The following CASKIN2 variants were observed in gnomAD, a reference collection of about 807,000 sequenced individuals.
CASKIN2 encodes caskin-2.
A neutral mutation model predicts 107.1 loss-of-function variants in CASKIN2; 41 were observed. The ratio of observed to expected loss-of-function variants is 0.38; its 90% CI spans 0.30 to 0.50. The LOEUF is 0.50. CASKIN2 is among the 20% of genes least tolerant of loss of function. CASKIN2 has a pLI of 0.92. For synonymous variants in CASKIN2, 724 were observed against 705.6 expected, an observed-to-expected ratio of 1.03 and a Z score of -0.41; for missense variants, 1,546 against 1,657.4, an observed-to-expected ratio of 0.93 and a Z score of 1.17.
intron 2 of CASKIN2, among the ~76,000 whole-genome samples, chr17:75,509,327 G>A (rs566583265): frequency 2.5e-4 from 38 of 152,332 alleles, no homozygotes; most frequent in Non-Finnish European, 4.1e-4. Flanking sequence ...AGGCTGGGCA[G>A]AGTGCCAAGT....
rs760477873 is a variant in CASKIN2 at position 75,506,392 on chromosome 17, G to A, written c.639C>T (p.Ile213=). Residue 213 remains isoleucine (I), a synonymous_variant, in exon 8 of 20, where the codon ATC becomes ATT. Transcript: ENST00000321617. The surrounding 1 kb of genome is among the most constrained non-coding windows in gnomAD (Gnocchi z 4.8). ...CCGTCTTGGTCTGGCGGTTGATCTC[G>A]ATCCCAGCTCTCAGGAGCTGCCTGC... is the stretch of plus-strand genomic sequence containing the variant. The part of the protein sequence containing the change: ...EVIRQLLRAG[I]EINRQTKTGT... 17 of 1,610,670 alleles carry A rather than the reference G, an allele frequency of 1.1e-5. No individual in the cohort carries two copies. The highest frequency in any genetic ancestry group is 7.7e-5 in the South Asian group (7 of 91,036).
chr17:75,501,323 G>A, intron 19 of CASKIN2, 145 bp downstream of exon 19: 1 of 1,188,786 alleles, frequency 8.4e-7, no homozygotes, highest in Admixed American at 2.2e-5. Context: ...AGGATTCCCT[G>A]ATCTAGGTGA....
At chr17:75,514,233 C>G (rs939249267) in intron 1 of CASKIN2, 25 bp from the exon 2 acceptor site, 11 of 433,076 alleles carry the variant, frequency 2.5e-5, no homozygotes, top group Non-Finnish European at 4.1e-5. Flanking sequence ...GGGCCTCTGT[C>G]GAATGCTGGG....
Position 75,504,426 on chromosome 17 carries a change from G to C in CASKIN2, c.1369C>G (p.Leu457Val). 1 of 1,606,932 alleles carries C rather than the reference G, an allele frequency of 6.2e-7. No homozygotes were observed. Residue 457 changes from leucine to valine, a missense_variant, in exon 13 of 20, where the codon CTG becomes GTG. Leu to Val is a conservative substitution (Grantham distance 32). Around this residue, in one of 6 missense-constraint regions of CASKIN2, gnomAD observed 1,311 missense variants for 1,311.0 expected, o/e 1.00. Transcript: ENST00000321617. The part of the protein sequence containing the change: ...QVLPGLHPPS[L>V]ADNLSHRPLA... Reference sequence around the variant, plus strand: ...GTCCCCTGACCCTTCCTACCTGCCAGGGACGGCGGGTGGAGTCCTGGCAGC... The same window carrying C: ...GTCCCCTGACCCTTCCTACCTGCCACGGACGGCGGGTGGAGTCCTGGCAGC...
rs762857581 is a variant in CASKIN2 at position 75,501,996 on chromosome 17, A to G, written c.3078T>C (p.Thr1026=). The stretch of plus-strand genomic sequence containing the variant: ...TAGAAGCTGGAGGAGACTCGCCAGG[A>G]GTTGGGGAAGGCAGTGGGGCAGCGG... ...PGPAAPLPSP[T]PGESPPASSL... Residue 1026 remains threonine, a synonymous_variant, in exon 18 of 20, where the codon ACT becomes ACC. Transcript: ENST00000321617. 1 of 1,612,318 alleles carries G rather than the reference A, an allele frequency of 6.2e-7. No individual in the cohort carries two copies. The highest frequency in any genetic ancestry group is 8.5e-7 in the Non-Finnish European group (1 of 1,179,516).
chr17:75,504,606 C>T lies in CASKIN2; in HGVS notation c.1280G>A (p.Gly427Asp), dbSNP rs777094313. 6.2e-5 allele frequency: 99 copies of T among 1,607,540 alleles called. No individual in the cohort carries two copies. In the South Asian group the frequency reaches 1.0e-3, roughly 17 times the overall value. ...GSGQSSEGTN[G>D]HGPGLLIENA... ...CTCAATCAGGAGGCCAGGGCCATGG[C>T]CATTAGTGCCCTCAGAGCTCTGCCC... Residue 427 changes from glycine to aspartate, a missense_variant, in exon 12 of 20, where the codon GGC becomes GAC. Coordinates refer to ENST00000321617, the MANE Select transcript of CASKIN2 (RefSeq NM_020753.5).
chr17:75,507,711 G>A, intron 3 of CASKIN2, 30 bp from the exon 4 acceptor site: 2 of 1,546,702 alleles, frequency 1.3e-6, no homozygotes, highest in South Asian at 2.3e-5. Flanking sequence ...AGTTAGGGGT[G>A]TTGGTGGGCA....
In CASKIN2 at chr17:75,502,792, C is replaced by A; in HGVS notation, c.2282G>T (p.Gly761Val). The change falls in exon 18 of 20, where the codon GGC (glycine) becomes GTC (valine). Residue 761 changes from glycine (G) to valine (V), a missense_variant. Gly to Val is a moderately radical substitution (Grantham distance 109). This residue lies in a region of CASKIN2 where 1,311 missense variants were observed against 1,311.0 expected (regional missense o/e 1.00). Coordinates refer to ENST00000321617, the MANE Select transcript of CASKIN2 (RefSeq NM_020753.5). This position sits in a 1 kb window ranked among gnomAD's most constrained non-coding sequence, Gnocchi z 4.3. ...PPPYVFMYPQ[G>V]SPSSPAPGPP... ...CCCTGGGGCCGGGCTAGAGGGTGAG[C>A]CCTGGGGGTACATAAAAACATAGGG... 6.3e-7 allele frequency: 1 copy of A among 1,586,964 alleles called. No individual in the cohort carries two copies. The highest frequency in any genetic ancestry group is 1.1e-5 in the South Asian group (1 of 88,282).
rs1160273918 is a variant in CASKIN2, at chr17:75,502,631, C to A, written c.2443G>T (p.Ala815Ser). 1 of 1,605,136 alleles carries A rather than the reference C, an allele frequency of 6.2e-7. No individual in the cohort carries two copies. ...AGGGTGCTGCCCACTGGCCCTTCGG[C>A]CTCCCCCTCAGCATCCCCCTCTGTG... ...GPTEGDAEGE[A>S]EGPVGSTLGS... The change falls in exon 18 of 20, where the codon GCC becomes TCC. Residue 815 changes from alanine (A) to serine (S), a missense_variant. By Grantham distance (99) the Ala-to-Ser change is moderately conservative (BLOSUM62 1). Transcript: ENST00000321617. The surrounding 1 kb of genome is among the most constrained non-coding windows in gnomAD (Gnocchi z 4.3).
chr17:75,510,365 A>G (rs145762709), intron 2 of CASKIN2, among the ~76,000 whole-genome samples: 17 of 152,208 alleles, frequency 1.1e-4, no homozygotes, highest in African/African-American at 3.6e-4. Context: ...CTCTCTCTGG[A>G]TAGCTATAAA....
chr17:75,507,559 G>A (rs1374953110), intron 4 of CASKIN2, 25 bp downstream of exon 4: 3 of 1,578,238 alleles, frequency 1.9e-6, no homozygotes, highest in Non-Finnish European at 2.6e-6. Flanking sequence ...CCAGGGTGGG[G>A]GTCGGGGGCA....
Position 75,502,536 on chromosome 17 carries a change from G to A in CASKIN2, c.2538C>T (p.Thr846=). The change falls in exon 18 of 20, where the codon ACC becomes ACT. Residue 846 remains threonine (T), a synonymous_variant. Coordinates refer to ENST00000321617, the MANE Select transcript of CASKIN2 (RefSeq NM_020753.5). This position sits in a 1 kb window ranked among gnomAD's most constrained non-coding sequence, Gnocchi z 4.3. ...GAGGAGTCCCCCGAGCTGGGGTTGG[G>A]GTCACACTAGGACTGGTCCGGACAA... ...SALVRTSPSV[T]PTPARGTPRS... The A allele has an allele frequency of 6.6e-7, 1 of 1,507,906 alleles. No individual in the cohort carries two copies. Among genetic ancestry groups the A allele is most frequent in the Non-Finnish European group, 8.9e-7 (1 of 1,122,350 alleles). The allele number at this position is 1,507,906 out of a possible 1,614,324, so 93.4% of individuals were successfully genotyped here.
Position 75,515,442 on chromosome 17 carries a change from T to A in CASKIN2, c.-446A>T, listed in dbSNP as rs889597211. On this transcript the variant is annotated 5_prime_UTR_variant, in exon 1 of 20. Transcript: ENST00000321617. ...CCGGGGTCCGGCTGGCCCTGCTCGG[T>A]CCCTGGCACTCAGGACGGTGGCTCC... 6.6e-6 allele frequency: 1 copy of A among 152,160 alleles called. No individual in the cohort carries two copies. The highest frequency in any genetic ancestry group is 1.5e-5 in the Non-Finnish European group (1 of 68,272). 9.4% of individuals were successfully genotyped at this position (152,160 alleles called of 1,614,324 possible). A position where few individuals can be genotyped will look rare whatever the true frequency, so the allele number is the denominator to read the frequency against.
rs2053264129 is a variant in CASKIN2 at position 75,506,263 on chromosome 17, G to C, written c.726+42C>G. ...CAGCCAGTCAGGGGCACAGGGCAGA[G>C]GCTCCATGGACACCTGCGAGGGAGC... On this transcript the variant is annotated intron_variant, in intron 8 of 19. Coordinates refer to ENST00000321617, the MANE Select transcript of CASKIN2 (RefSeq NM_020753.5). This position sits in a 1 kb window ranked among gnomAD's most constrained non-coding sequence, Gnocchi z 4.8. 3.9e-6 allele frequency: 6 copies of C among 1,527,860 alleles called. No individual in the cohort carries two copies. In the East Asian group the frequency reaches 1.4e-4, roughly 35 times the overall value. The allele number at this position is 1,527,860 out of a possible 1,614,324, so 94.6% of individuals were successfully genotyped here.
At position 75,505,228 on chromosome 17, in the gene CASKIN2, C is replaced by A; in HGVS notation, c.931-155G>T. On this transcript the variant is annotated intron_variant, in intron 10 of 19. Coordinates refer to ENST00000321617, the MANE Select transcript of CASKIN2 (RefSeq NM_020753.5). The surrounding 1 kb of genome is among the most constrained non-coding windows in gnomAD (Gnocchi z 5.1). The stretch of plus-strand genomic sequence containing the variant: ...ATGCCCACACTGGCCCAAGTTCCGC[C>A]CCTGCTGCCAGCAGCCAGCTCAATC... 2.3e-6 allele frequency: 2 copies of A among 851,598 alleles called. No homozygotes were observed. The highest frequency in any genetic ancestry group is 3.6e-4 in the Middle Eastern group (1 of 2,758). 52.8% of individuals were successfully genotyped at this position (851,598 alleles called of 1,614,324 possible). A position where few individuals can be genotyped will look rare whatever the true frequency, so the allele number is the denominator to read the frequency against.
At position 75,502,994 on chromosome 17, in the gene CASKIN2, G is replaced by T; in HGVS notation, c.2080C>A (p.Arg694Ser). 1 of 1,605,776 alleles carries T rather than the reference G, an allele frequency of 6.2e-7. No homozygotes were observed. The change falls in exon 18 of 20, where the codon CGC becomes AGC. Residue 694 changes from arginine to serine, a missense_variant. Physicochemically the swap from Arg to Ser is moderately radical, Grantham distance 110 (BLOSUM62 -1). Around this residue, in one of 6 missense-constraint regions of CASKIN2, gnomAD observed 1,311 missense variants for 1,311.0 expected, o/e 1.00. Transcript: ENST00000321617. This position sits in a 1 kb window ranked among gnomAD's most constrained non-coding sequence, Gnocchi z 4.3. The part of the protein sequence containing the change: ...GPEPLPLPPA[R>S]SPSQESIGAR... The stretch of plus-strand genomic sequence containing the variant: ...CCGATGCTCTCCTGGCTGGGAGAGC[G>T]GGCAGGTGGGAGGGGGAGTGGTTCA...
rs756872164 is a variant in CASKIN2 at position 75,506,047 on chromosome 17, T to C, written c.727-118A>G. On this transcript the variant is annotated intron_variant, in intron 8 of 19. Transcript: ENST00000321617. The surrounding 1 kb of genome is among the most constrained non-coding windows in gnomAD (Gnocchi z 4.8). ...TTTTCCGATTTTACAGATGAGGACATAGAGGCTCAGGGACTCAGTCAAGGA... is the reference window on the plus strand; with the variant it reads ...TTTTCCGATTTTACAGATGAGGACACAGAGGCTCAGGGACTCAGTCAAGGA... 5 of 869,312 alleles carry C rather than the reference T, an allele frequency of 5.8e-6. No individual in the cohort carries two copies. The highest frequency in any genetic ancestry group is 3.3e-5 in the African/African-American group (2 of 60,164). The allele number at this position is 869,312 out of a possible 1,614,324, so 53.8% of individuals were successfully genotyped here.
At position 75,506,093 on chromosome 17, in the gene CASKIN2, T is replaced by A. The variant is rs1388965004; in HGVS notation, c.727-164A>T. Among the ~76,000 whole-genome samples, 1 of 152,146 alleles carries A rather than the reference T, an allele frequency of 6.6e-6. No homozygotes were observed. Among genetic ancestry groups the A allele is most frequent in the Non-Finnish European group, 1.5e-5 (1 of 68,022 alleles). ...AAGGACAAGCTCAAGTTCACTCAGC[T>A]AGTAAGAGGCAGATCTGGGGTGCCA... On this transcript the variant is annotated intron_variant, in intron 8 of 19. Coordinates refer to ENST00000321617, the MANE Select transcript of CASKIN2 (RefSeq NM_020753.5). The surrounding 1 kb of genome is among the most constrained non-coding windows in gnomAD (Gnocchi z 4.8).
At position 75,504,478 on chromosome 17, in the gene CASKIN2, T is replaced by A. The variant is rs2053242342; in HGVS notation, c.1317A>T (p.Pro439=). The A allele has an allele frequency of 6.2e-7, 1 of 1,605,186 alleles. No individual in the cohort carries two copies. The change falls in exon 13 of 20, where the codon CCA becomes CCT. Residue 439 remains proline (P), a splice_region_variant and synonymous_variant. Coordinates refer to ENST00000321617, the MANE Select transcript of CASKIN2 (RefSeq NM_020753.5). ...GPGLLIENAQ[P]LPSAGEDQVL... is the part of the protein sequence containing the mutation. ...CCTGGTCCTCTCCAGCAGAGGGCAGTGGCTGGAGGAGACAGGGCAGGAGCC... is the reference window on the plus strand; with the variant it reads ...CCTGGTCCTCTCCAGCAGAGGGCAGAGGCTGGAGGAGACAGGGCAGGAGCC...
Sources: allele counts gnomAD v4.1 joint callset (sites outside exome capture counted in the v4.1 genomes callset), GRCh38; gene constraint gnomAD v4.1.1; regional missense constraint gnomAD v4.1.1; non-coding constraint Gnocchi (gnomAD v3.1); transcripts MANE v1.5; gene names NCBI Gene and HGNC (gene_info 2026-07-23, HGNC 2026-07-21).